SCUBE1: variants seen among roughly 807,000 people sequenced by gnomAD.
SCUBE1 encodes the protein signal peptide, CUB and EGF-like domain-containing protein 1.
A neutral mutation model predicts 124.4 loss-of-function variants in SCUBE1; 59 were observed. That is an observed-to-expected ratio of 0.47 (90% CI 0.38 to 0.59). The LOEUF (loss-of-function observed/expected upper bound fraction) is 0.59, where lower values mean the gene tolerates loss of function less well. Ranked by LOEUF, SCUBE1 falls within the 20% of genes least tolerant of loss-of-function variation. The pLI is 0.00. For synonymous variants in SCUBE1, 545 were observed against 550.9 expected, an observed-to-expected ratio of 0.99 and a Z score of 0.15; for missense variants, 1,150 against 1,371.2, an observed-to-expected ratio of 0.84 and a Z score of 2.55.
intron 3 of SCUBE1, among the ~76,000 whole-genome samples, chr22:43,317,661 C>T (rs952882001): frequency 2.0e-5 from 3 of 152,242 alleles, no homozygotes; most frequent in Admixed American, 6.5e-5. Context: ...GGGACAGACA[C>T]GTCTGCTTTG....
intron 6 of SCUBE1, among the ~76,000 whole-genome samples, chr22:43,257,307 G>T (rs561100758): frequency 6.6e-6 from 1 of 152,098 alleles, no homozygotes; most frequent in Admixed American, 6.5e-5. Context: ...ATAAGAAATG[G>T]GGCTTAAAAA....
At position 43,339,240 on chromosome 22, in the gene SCUBE1, G is replaced by A. The variant is rs768626948; in HGVS notation, c.89-5C>T. The A allele has an allele frequency of 1.2e-6, 2 of 1,612,970 alleles. No individual in the cohort carries two copies. The highest frequency in any genetic ancestry group is 2.2e-5 in the South Asian group (2 of 91,038). On this transcript the variant is annotated splice_region_variant and splice_polypyrimidine_tract_variant and intron_variant, in intron 1 of 21. Transcript: ENST00000360835. ...ACTCATCCACGTCGACTGACCCTGT[G>A]GGTAGGGGTGTGGGGGGAATAAGAG... is the stretch of plus-strand genomic sequence containing the variant.
At chr22:43,289,748 C>T (rs113202866) in intron 4 of SCUBE1, among the ~76,000 whole-genome samples, 15 of 152,282 alleles carry the variant, frequency 9.9e-5, no homozygotes, top group Admixed American at 2.0e-4. Context: ...ATTTTGCAGG[C>T]GAGGAATCTG....
chr22:43,278,854 C>T (rs560690225), intron 4 of SCUBE1, among the ~76,000 whole-genome samples: 52 of 152,272 alleles, frequency 3.4e-4, no homozygotes, highest in Non-Finnish European at 4.6e-4. Context: ...TGTATGGAAA[C>T]CACAGCAAAG....
chr22:43,288,350 T>C (rs990243921), intron 4 of SCUBE1, among the ~76,000 whole-genome samples: 1 of 152,100 alleles, frequency 6.6e-6, no homozygotes, highest in Non-Finnish European at 1.5e-5. Context: ...GCTGGCGTTC[T>C]CCCAGATGGC....
rs1923765897 is a variant in SCUBE1 at position 43,258,850 on chromosome 22, C to T, written c.611-515G>A. Reference sequence around the variant, plus strand: ...GGATGTCTCCACGGAGGTCCCCCCTCAGAGTCCCAGGGGCCACCTCAAACT... The same window carrying T: ...GGATGTCTCCACGGAGGTCCCCCCTTAGAGTCCCAGGGGCCACCTCAAACT... On this transcript the variant is annotated intron_variant, in intron 5 of 21. Transcript: ENST00000360835. The surrounding 1 kb of genome is among the most constrained non-coding windows in gnomAD (Gnocchi z 5.0). 6.6e-6 allele frequency among the ~76,000 whole-genome samples: 1 copy of T among 152,186 alleles called. No homozygotes were observed. The highest frequency in any genetic ancestry group is 1.5e-5 in the Non-Finnish European group (1 of 68,042).
At chr22:43,206,808 C>T (rs12160178) in intron 21 of SCUBE1, among the ~76,000 whole-genome samples, 6 of 151,964 alleles carry the variant, frequency 3.9e-5, no homozygotes, top group Non-Finnish European at 4.4e-5. Context: ...ACAGAGATTG[C>T]GGGGAGAGAG....
In SCUBE1 at chr22:43,210,285, A is replaced by C; in HGVS notation, c.2384-45T>G. 6.8e-7 allele frequency: 1 copy of C among 1,466,490 alleles called. No individual in the cohort carries two copies. The highest frequency in any genetic ancestry group is 9.0e-7 in the Non-Finnish European group (1 of 1,111,852). The allele number at this position is 1,466,490 out of a possible 1,614,324, so 90.8% of individuals were successfully genotyped here. On this transcript the variant is annotated intron_variant, in intron 18 of 21. Coordinates refer to ENST00000360835, the MANE Select transcript of SCUBE1 (RefSeq NM_173050.5). This position sits in a 1 kb window ranked among gnomAD's most constrained non-coding sequence, Gnocchi z 4.5. ...AGGGCCTCATCAGGCTCTGCTGGGC[A>C]GGGGCCCTGGCCGGCCAGGCCTCTA...
In SCUBE1 at chr22:43,222,866, C is replaced by A. The variant is rs566283931; in HGVS notation, c.1328-124G>T. On this transcript the variant is annotated intron_variant, in intron 11 of 21. Transcript: ENST00000360835. ...TCAGGACAGATTCTTCTGCCAGTTT[C>A]TGCTACACAACCACAGGGAAGTGGC... The A allele has an allele frequency of 3.2e-4, 308 of 959,000 alleles. 1 individual carries two copies. In the African/African-American group the frequency reaches 4.2e-3, roughly 13 times the overall value. The allele number at this position is 959,000 out of a possible 1,614,324, so 59.4% of individuals were successfully genotyped here.
chr22:43,212,941 G>A (rs371335680), intron 16 of SCUBE1, among the ~76,000 whole-genome samples: 2 of 152,110 alleles, frequency 1.3e-5, no homozygotes, highest in Non-Finnish European at 2.9e-5. Context: ...GGCTGTCCCC[G>A]GGGGGTAGGC....
At chr22:43,328,729 G>A (rs923372279) in intron 2 of SCUBE1, among the ~76,000 whole-genome samples, 3 of 152,092 alleles carry the variant, frequency 2.0e-5, no homozygotes, top group African/African-American at 7.2e-5. Flanking sequence ...AGTGCAATTC[G>A]GTTTCATTCC....
intron 13 of SCUBE1, among the ~76,000 whole-genome samples, 171 bp from the exon 14 acceptor site, chr22:43,220,758 T>A (rs1478715355): frequency 1.3e-5 from 2 of 152,172 alleles, no homozygotes; most frequent in Non-Finnish European, 2.9e-5. Context: ...GAGGGGCTGG[T>A]GGCTGAGCCA....
At chr22:43,251,543 G>A (rs1229716232) in intron 6 of SCUBE1, among the ~76,000 whole-genome samples, 1 of 152,176 alleles carries the variant, frequency 6.6e-6, no homozygotes, top group Middle Eastern at 3.2e-3. Flanking sequence ...GAGGGAGGCA[G>A]CAGAGGTGGG....
At chr22:43,265,131 T>C (rs1924013009) in intron 4 of SCUBE1, among the ~76,000 whole-genome samples, 1 of 152,228 alleles carries the variant, frequency 6.6e-6, no homozygotes, top group Non-Finnish European at 1.5e-5. Flanking sequence ...ACCATACATT[T>C]GTCACTGGGG....
At chr22:43,323,961 C>G (rs1926640747) in intron 2 of SCUBE1, among the ~76,000 whole-genome samples, 1 of 152,174 alleles carries the variant, frequency 6.6e-6, no homozygotes, top group Non-Finnish European at 1.5e-5. Flanking sequence ...CTGTGAGCTT[C>G]CTAAATGCCA....
At chr22:43,247,548 C>T (rs1317060776) in intron 6 of SCUBE1, among the ~76,000 whole-genome samples, 2 of 152,198 alleles carry the variant, frequency 1.3e-5, no homozygotes, top group Admixed American at 6.5e-5. Context: ...ACCAGGAAAT[C>T]TCGCCTCAGG....
At chr22:43,342,140 C>A (rs1170847160) in intron 1 of SCUBE1, among the ~76,000 whole-genome samples, 3 of 151,934 alleles carry the variant, frequency 2.0e-5, no homozygotes, top group Non-Finnish European at 4.4e-5. Context: ...GGACCCTCCC[C>A]CTGCCTCCCC....
chr22:43,287,980 C>G (rs544672091), intron 4 of SCUBE1, among the ~76,000 whole-genome samples: 21 of 152,302 alleles, frequency 1.4e-4, no homozygotes, highest in Non-Finnish European at 2.2e-4. Context: ...CTTGCTCTGC[C>G]CTCTTCAGGA....
intron 4 of SCUBE1, among the ~76,000 whole-genome samples, chr22:43,286,795 T>A (rs943899938): frequency 6.6e-6 from 1 of 152,148 alleles, no homozygotes; most frequent in East Asian, 1.9e-4. Flanking sequence ...AATGAATGAA[T>A]GAGCAGGTAA....
Sources: allele counts gnomAD v4.1 joint callset (sites outside exome capture counted in the v4.1 genomes callset), GRCh38; gene constraint gnomAD v4.1.1; non-coding constraint Gnocchi (gnomAD v3.1); transcripts MANE v1.5; gene names NCBI Gene and HGNC (gene_info 2026-07-23, HGNC 2026-07-21).